Variants in NUMA1 observed in about 807,000 individuals in gnomAD.
NUMA1 encodes SP-H antigen.
In NUMA1, 62 loss-of-function variants were observed where a neutral mutation model predicts 237.1. That is an observed-to-expected ratio of 0.26 (90% CI 0.21 to 0.32). The LOEUF (loss-of-function observed/expected upper bound fraction) is 0.32, where lower values mean the gene tolerates loss of function less well. Among genes scored for constraint, NUMA1 ranks in the 10% least tolerant of loss-of-function variants. NUMA1 has a pLI of 1.00. For synonymous variants in NUMA1, 1,028 were observed against 1,066.1 expected, an observed-to-expected ratio of 0.96 and a Z score of 0.70; for missense variants, 2,533 against 2,666.5, an observed-to-expected ratio of 0.95 and a Z score of 1.10.
rs771095781 is a variant in NUMA1, at chr11:72,010,829, G to C, written c.4676C>G (p.Ala1559Gly). 1 of 1,613,918 alleles carries C rather than the reference G, an allele frequency of 6.2e-7. No homozygotes were observed. Among genetic ancestry groups the C allele is most frequent in the Non-Finnish European group, 8.5e-7 (1 of 1,180,000 alleles). ...CACCTTGCTGGCTTGGTCAGAGTCAGCCAGTTTCTTACTCAGTTCTTCCAC... is the reference window on the plus strand; with the variant it reads ...CACCTTGCTGGCTTGGTCAGAGTCACCCAGTTTCTTACTCAGTTCTTCCAC... ...KQVEELSKKLADSDQASKVQQ... is the reference protein window; with the variant it reads ...KQVEELSKKLGDSDQASKVQQ... Residue 1559 changes from alanine (A) to glycine (G), a missense_variant, in exon 17 of 27, where the codon GCT becomes GGT. Around this residue, in one of 3 missense-constraint regions of NUMA1, gnomAD observed 795 missense variants for 750.8 expected, o/e 1.06. Transcript: ENST00000393695.
At chr11:72,033,961 G>A (rs1342133907) in intron 3 of NUMA1, among the ~76,000 whole-genome samples, 1 of 152,110 alleles carries the variant, frequency 6.6e-6, no homozygotes, top group Non-Finnish European at 1.5e-5. Context: ...TCTACAAAAA[G>A]TTTTTTAAAA....
chr11:72,077,157 G>A (rs1943746455), intron 1 of NUMA1, among the ~76,000 whole-genome samples: 1 of 152,078 alleles, frequency 6.6e-6, no homozygotes, highest in African/African-American at 2.4e-5. Flanking sequence ...GACAGAATGA[G>A]GAAGTTCAAC....
chr11:72,052,489 CA>C (rs1413488576), intron 2 of NUMA1, among the ~76,000 whole-genome samples: 2 of 152,090 alleles, frequency 1.3e-5, no homozygotes, highest in African/African-American at 4.8e-5. Flanking sequence ...TAAGTAAGGC[CA>C]GGGGCGGTGG....
chr11:72,009,941 C>T (rs2134714285), intron 17 of NUMA1, among the ~76,000 whole-genome samples: 1 of 152,290 alleles, frequency 6.6e-6, no homozygotes, highest in East Asian at 1.9e-4. Context: ...TTTATGATGC[C>T]CACACTGCCT....
chr11:72,003,924 G>C lies in NUMA1; in HGVS notation c.6299C>G (p.Ala2100Gly). ...TCGAGGGGTGGCACCAATGGCGGCA[G>C]CAGTGGCGGCGCTGGCTGTGGTGGT... Reference protein sequence around the residue: ...IATTTASAATAAAIGATPRAK... With the variant: ...IATTTASAATGAAIGATPRAK... Residue 2100 changes from alanine (A) to glycine (G), a missense_variant, in exon 26 of 27, where the codon GCT becomes GGT. Physicochemically the swap from Ala to Gly is moderately conservative, Grantham distance 60. Coordinates refer to ENST00000393695, the MANE Select transcript of NUMA1 (RefSeq NM_006185.4). 6.2e-7 allele frequency: 1 copy of C among 1,612,620 alleles called. No homozygotes were observed. The highest frequency in any genetic ancestry group is 8.5e-7 in the Non-Finnish European group (1 of 1,179,576).
At chr11:72,080,424 G>A (rs928338788) in intron 1 of NUMA1, 34 bp downstream of exon 1, 1 of 152,194 alleles carries the variant, frequency 6.6e-6, no homozygotes, top group East Asian at 1.9e-4. Context: ...GGGGTGCCCA[G>A]GCCGCACGCC....
At chr11:72,024,094 A>C in intron 5 of NUMA1, 180 bp downstream of exon 5, 1 of 585,768 alleles carries the variant, frequency 1.7e-6, no homozygotes, top group South Asian at 2.0e-5. Flanking sequence ...TCTTACACCA[A>C]CTGATGAAGG....
intron 2 of NUMA1, among the ~76,000 whole-genome samples, chr11:72,038,557 G>T (rs1210656812): frequency 6.6e-6 from 1 of 152,128 alleles, no homozygotes; most frequent in Non-Finnish European, 1.5e-5. Flanking sequence ...CAGGAGCACA[G>T]CTAAGTCTTC....
chr11:72,018,229 C>A lies in NUMA1; in HGVS notation c.932G>T (p.Arg311Leu), dbSNP rs761167146. Residue 311 changes from arginine to leucine, a missense_variant, in exon 12 of 27, where the codon CGC becomes CTC. By Grantham distance (102) the Arg-to-Leu change is moderately radical. Around this residue, in one of 3 missense-constraint regions of NUMA1, gnomAD observed 1,414 missense variants for 1,508.1 expected, o/e 0.94. Transcript: ENST00000393695. Reference protein sequence around the residue: ...DLKTEKSQMDRKINQLSEENG... With the variant: ...DLKTEKSQMDLKINQLSEENG... ...CTCCTCCGAAAGCTGGTTGATTTTG[C>A]GATCCATCTGGCTCTTCTCTGTCTT... The A allele has an allele frequency of 5.6e-6, 9 of 1,614,164 alleles. No individual in the cohort carries two copies. The South Asian group carries it at 9.9e-5, about 18-fold the overall frequency.
intron 3 of NUMA1, among the ~76,000 whole-genome samples, chr11:72,030,145 G>A (rs1183872604): frequency 2.6e-5 from 4 of 151,904 alleles, no homozygotes; most frequent in Non-Finnish European, 5.9e-5. Context: ...GACCAACCTG[G>A]GCAACATGGT....
chr11:72,061,722 C>T (rs941898182), intron 2 of NUMA1, among the ~76,000 whole-genome samples: 2 of 151,972 alleles, frequency 1.3e-5, no homozygotes, highest in Non-Finnish European at 2.9e-5. Context: ...AACTCCTGGG[C>T]TCAAGTAATC....
chr11:72,070,698 T>C (rs1238204457), intron 1 of NUMA1, among the ~76,000 whole-genome samples: 1 of 152,014 alleles, frequency 6.6e-6, no homozygotes, highest in African/African-American at 2.4e-5. Flanking sequence ...TCCCACCCAC[T>C]TGGGAGGCTG....
At chr11:72,079,900 A>C (rs1054798176) in intron 1 of NUMA1, among the ~76,000 whole-genome samples, 1 of 152,014 alleles carries the variant, frequency 6.6e-6, no homozygotes, top group Non-Finnish European at 1.5e-5. Context: ...CCCACAAAGC[A>C]CCTTCCCCGT....
At chr11:72,005,659 A>G in intron 22 of NUMA1, 1 of 502,974 alleles carries the variant, frequency 2.0e-6, no homozygotes, top group South Asian at 2.8e-5. Flanking sequence ...GGAACAAATT[A>G]AGGACCGGGA....
At chr11:72,052,470 G>C (rs1942420219) in intron 2 of NUMA1, among the ~76,000 whole-genome samples, 2 of 152,132 alleles carry the variant, frequency 1.3e-5, no homozygotes. Context: ...CAGATGATAA[G>C]AAGGGTAATA....
chr11:72,010,766 C>T lies in NUMA1; in HGVS notation c.4719+20G>A. On this transcript the variant is annotated intron_variant, in intron 17 of 26. Transcript: ENST00000393695. Reference sequence around the variant, plus strand: ...CCCTCCCTTGTCCAGAGGCCAGACCCATTCCCCCAGCTGCCCCACCTTCAG... The same window carrying T: ...CCCTCCCTTGTCCAGAGGCCAGACCTATTCCCCCAGCTGCCCCACCTTCAG... 1 of 1,611,760 alleles carries T rather than the reference C, an allele frequency of 6.2e-7. No homozygotes were observed. The highest frequency in any genetic ancestry group is 8.5e-7 in the Non-Finnish European group (1 of 1,179,488).
At chr11:72,022,580 CTTTTT>C (rs10716998) in intron 6 of NUMA1, among the ~76,000 whole-genome samples, 161 bp from the exon 7 acceptor site, 3 of 139,208 alleles carry the variant, frequency 2.2e-5, no homozygotes, top group African/African-American at 8.0e-5. Flanking sequence ...CCAGGAAACA[CTTTTT>C]TTTTTTTTTT....
chr11:72,057,157 C>T (rs1942701326), intron 2 of NUMA1, among the ~76,000 whole-genome samples: 1 of 151,302 alleles, frequency 6.6e-6, no homozygotes, highest in South Asian at 2.1e-4. Context: ...TGTGGGATAA[C>T]AGATTTGTGA....
intron 2 of NUMA1, chr11:72,066,829 C>T (rs1297947703): frequency 6.6e-6 from 1 of 152,256 alleles, no homozygotes; most frequent in African/African-American, 2.4e-5. Context: ...TCCACTCCAG[C>T]ACACTGCTTG....
Sources: allele counts gnomAD v4.1 joint callset (sites outside exome capture counted in the v4.1 genomes callset), GRCh38; gene constraint gnomAD v4.1.1; regional missense constraint gnomAD v4.1.1; transcripts MANE v1.5; gene names NCBI Gene and HGNC (gene_info 2026-07-23, HGNC 2026-07-21).